The following RGS7 variants were observed in gnomAD, a reference collection of about 807,000 sequenced individuals.
RGS7 encodes the protein regulator of G-protein signaling 7.
A neutral mutation model predicts 81.1 loss-of-function variants in RGS7; 27 were observed. The observed-to-expected ratio is 0.33, with a 90% CI of 0.25 to 0.46. RGS7 has a LOEUF of 0.46. RGS7 is among the 20% of genes least tolerant of loss of function. The probability of loss-of-function intolerance (pLI) is 1.00; values close to 1 mark genes in which losing one functional copy is unlikely to be tolerated. For synonymous variants in RGS7, 208 were observed against 207.7 expected, an observed-to-expected ratio of 1.00 and a Z score of -0.01; for missense variants, 396 against 607.4, an observed-to-expected ratio of 0.65 and a Z score of 3.66.
intron 3 of RGS7, among the ~76,000 whole-genome samples, chr1:241,008,006 C>G (rs150614911): frequency 0.016 from 2,454 of 152,278 alleles, 23 homozygotes; most frequent in Non-Finnish European, 0.024. Flanking sequence ...ATTTAAAAGT[C>G]TTGAAGCGAA....
chr1:240,972,970 G>GC (rs1239759501), intron 4 of RGS7, among the ~76,000 whole-genome samples: 1 of 151,760 alleles, frequency 6.6e-6, no homozygotes, highest in Non-Finnish European at 1.5e-5. Context: ...GATCACCTGG[G>GC]CCTGGGAGGT....
At chr1:240,946,689 G>A (rs1369656422) in intron 4 of RGS7, among the ~76,000 whole-genome samples, 1 of 152,196 alleles carries the variant, frequency 6.6e-6, no homozygotes. Context: ...TACATAGTGA[G>A]ACAGCTTTAT....
chr1:240,877,897 G>A (rs1234350414), intron 6 of RGS7, among the ~76,000 whole-genome samples: 1 of 152,136 alleles, frequency 6.6e-6, no homozygotes, highest in Non-Finnish European at 1.5e-5. Flanking sequence ...ACTCTGGAGA[G>A]TCTATTTTCA....
At chr1:240,776,797 G>A (rs1193706642) in intron 18 of RGS7, among the ~76,000 whole-genome samples, 2 of 152,190 alleles carry the variant, frequency 1.3e-5, no homozygotes, top group African/African-American at 4.8e-5. Flanking sequence ...TTATATATCT[G>A]AAGATAAAAG....
chr1:240,843,626 C>T (rs1658526858), intron 9 of RGS7, among the ~76,000 whole-genome samples: 1 of 152,054 alleles, frequency 6.6e-6, no homozygotes, highest in East Asian at 1.9e-4. Context: ...TGAAAAAATC[C>T]AGTTATTGAT....
intron 3 of RGS7, among the ~76,000 whole-genome samples, chr1:241,017,539 T>C (rs915438405): frequency 6.6e-6 from 1 of 151,970 alleles, no homozygotes; most frequent in Non-Finnish European, 1.5e-5. Context: ...ACGAGTTTAG[T>C]CTTTATTTCT....
intron 2 of RGS7, among the ~76,000 whole-genome samples, chr1:241,216,948 G>A (rs946803646): frequency 6.6e-6 from 1 of 152,180 alleles, no homozygotes; most frequent in East Asian, 1.9e-4. Context: ...TGATTGCTTA[G>A]TTATTTGAGC....
chr1:240,959,686 G>T (rs1036535611), intron 4 of RGS7, among the ~76,000 whole-genome samples: 1 of 152,030 alleles, frequency 6.6e-6, no homozygotes, highest in African/African-American at 2.4e-5. Context: ...TTTTAAAAAG[G>T]ACACTTCACC....
At chr1:240,793,611 A>ATATATATATATTT in intron 18 of RGS7, among the ~76,000 whole-genome samples, 3 of 78,812 alleles carry the variant, frequency 3.8e-5, no homozygotes, top group African/African-American at 2.9e-4. Context: ...ATATATATAT[A>ATATATATATATTT]TTTTTTTTTT....
chr1:241,212,357 G>GAGGTTCCA (rs2074293268), intron 2 of RGS7, among the ~76,000 whole-genome samples: 1 of 152,114 alleles, frequency 6.6e-6, no homozygotes, highest in Non-Finnish European at 1.5e-5. Flanking sequence ...TGTGTCACCT[G>GAGGTTCCA]AGAGGTGACA....
At chr1:241,220,997 G>GGAAGGAAGAAAGAA (rs1558203322) in intron 2 of RGS7, among the ~76,000 whole-genome samples, 1 of 90,158 alleles carries the variant, frequency 1.1e-5, no homozygotes, top group African/African-American at 4.1e-5. Flanking sequence ...AAGGAAGGAA[G>GGAAGGAAGAAAGAA]AGAGAGAGAA....
At chr1:241,127,475 A>T (rs1328504662) in intron 2 of RGS7, among the ~76,000 whole-genome samples, 1 of 152,180 alleles carries the variant, frequency 6.6e-6, no homozygotes, top group Non-Finnish European at 1.5e-5. Context: ...TCTCACTCAT[A>T]GGTGGGAATC....
At chr1:240,998,615 A>G in intron 3 of RGS7, 1 of 884,738 alleles carries the variant, frequency 1.1e-6, no homozygotes, top group Non-Finnish European at 1.9e-6. Flanking sequence ...CCTACATTGC[A>G]GAGGAGGCTC....
At chr1:240,960,217 C>CTTCTTCTTTT (rs60911948) in intron 4 of RGS7, among the ~76,000 whole-genome samples, 94 of 8,954 alleles carry the variant, frequency 0.01, 3 homozygotes, top group African/African-American at 0.035. Context: ...TCTTCTTCTT[C>CTTCTTCTTTT]TTTTTTTTTT....
chr1:241,155,252 C>T (rs1316348554), intron 2 of RGS7, among the ~76,000 whole-genome samples: 1 of 152,076 alleles, frequency 6.6e-6, no homozygotes, highest in African/African-American at 2.4e-5. Flanking sequence ...AGGTGCATAC[C>T]CCGAGGCCCA....
intron 2 of RGS7, among the ~76,000 whole-genome samples, chr1:241,192,001 G>A (rs192353227): frequency 6.6e-6 from 1 of 152,304 alleles, no homozygotes; most frequent in East Asian, 1.9e-4. Flanking sequence ...GCCTCACAAA[G>A]GTCAAAGTCT....
chr1:240,871,112 T>C (rs7547891), intron 6 of RGS7, among the ~76,000 whole-genome samples: 18,464 of 152,178 alleles, frequency 0.12, 1,321 homozygotes, highest in African/African-American at 0.2. Flanking sequence ...ACTCAAGGCA[T>C]TCACAGCCCT....
intron 2 of RGS7, among the ~76,000 whole-genome samples, chr1:241,276,845 C>G (rs2341691): frequency 1.3e-5 from 2 of 152,056 alleles, no homozygotes; most frequent in South Asian, 4.2e-4. Context: ...CTTGAATAAA[C>G]AAGTCTATTT....
chr1:240,906,050 C>G (rs1409735104), intron 6 of RGS7, among the ~76,000 whole-genome samples: 1 of 152,112 alleles, frequency 6.6e-6, no homozygotes, highest in African/African-American at 2.4e-5. Context: ...ACCCATATTG[C>G]CACACTGGTT....
Sources: gnomAD v4.1 joint callset for allele counts (sites outside exome capture counted in the v4.1 genomes callset) on GRCh38, gnomAD v4.1.1 for gene constraint, MANE v1.5 for transcripts, NCBI Gene and HGNC (gene_info 2026-07-23, HGNC 2026-07-21) for gene names.